The following GRM1 variants were observed in gnomAD, a reference collection of about 807,000 sequenced individuals.
GRM1 encodes the protein metabotropic glutamate receptor 1.
In GRM1, 33 loss-of-function variants were observed where a neutral mutation model predicts 90.9. That is an observed-to-expected ratio of 0.36 (90% CI 0.28 to 0.49). GRM1 has a LOEUF of 0.49. Ranked by LOEUF, GRM1 falls within the 20% of genes least tolerant of loss-of-function variation. GRM1 has a pLI of 0.99. For synonymous variants in GRM1, 700 were observed against 613.2 expected (o/e 1.14, Z -2.09); for missense variants, 1,190 against 1,534.3 (o/e 0.78, Z 3.75).
chr6:146,337,310 C>G (rs992336092), intron 3 of GRM1, among the ~76,000 whole-genome samples: 1 of 152,232 alleles, frequency 6.6e-6, no homozygotes, highest in East Asian at 1.9e-4. Flanking sequence ...TTTTACTTCT[C>G]TGTGCCTGTT....
chr6:146,352,071 C>A (rs915891768), intron 3 of GRM1, among the ~76,000 whole-genome samples, 179 bp from the exon 4 acceptor site: 1 of 152,162 alleles, frequency 6.6e-6, no homozygotes, highest in African/African-American at 2.4e-5. Flanking sequence ...AAATCATTTG[C>A]AGGTGGAATC....
intron 7 of GRM1, among the ~76,000 whole-genome samples, chr6:146,428,360 C>G (rs1364734277): frequency 6.6e-6 from 1 of 152,200 alleles, no homozygotes; most frequent in Non-Finnish European, 1.5e-5. Context: ...ATCTATCCTA[C>G]TCCTGAGAAA....
upstream of GRM1, among the ~76,000 whole-genome samples, chr6:146,028,098 C>T (rs1790557378): frequency 6.6e-6 from 1 of 152,110 alleles, no homozygotes; most frequent in Non-Finnish European, 1.5e-5. Flanking sequence ...GAGAGGGAGC[C>T]AACTTCAGCC....
At chr6:146,028,630 A>G (rs563638678), upstream of GRM1, among the ~76,000 whole-genome samples, 1 of 152,232 alleles carries the variant, frequency 6.6e-6, no homozygotes, top group Non-Finnish European at 1.5e-5. Context: ...CTCCATACGG[A>G]GACTTTACCA....
chr6:146,037,784 C>T (rs963226343), intron 1 of GRM1, among the ~76,000 whole-genome samples: 1 of 151,998 alleles, frequency 6.6e-6, no homozygotes, highest in Non-Finnish European at 1.5e-5. Flanking sequence ...AATCTGGTAC[C>T]CTGGCCTTGC....
chr6:146,263,789 A>G (rs985437869), intron 2 of GRM1, among the ~76,000 whole-genome samples: 2 of 152,108 alleles, frequency 1.3e-5, no homozygotes, highest in African/African-American at 2.4e-5. Context: ...AGAAAAATCA[A>G]CTATTTCATT....
intron 3 of GRM1, among the ~76,000 whole-genome samples, chr6:146,327,774 A>G (rs1383311365): frequency 6.6e-6 from 1 of 152,140 alleles, no homozygotes; most frequent in Non-Finnish European, 1.5e-5. Flanking sequence ...AGTCATCGCC[A>G]TGTCTATTTC....
chr6:146,148,841 T>C (rs1369312843), intron 1 of GRM1, among the ~76,000 whole-genome samples: 1 of 152,120 alleles, frequency 6.6e-6, no homozygotes, highest in Non-Finnish European at 1.5e-5. Context: ...TTGGAGGTAA[T>C]TTTTCTGAAC....
chr6:146,060,443 C>T (rs1775625199), intron 1 of GRM1, among the ~76,000 whole-genome samples: 1 of 152,126 alleles, frequency 6.6e-6, no homozygotes, highest in African/African-American at 2.4e-5. Flanking sequence ...TTGTTCCTTT[C>T]TTTGTATCCC....
chr6:146,398,992 A>G lies in GRM1; in HGVS notation c.1953A>G (p.Lys651=), dbSNP rs777804534. 3 of 1,613,990 alleles carry G rather than the reference A, an allele frequency of 1.9e-6. No homozygotes were observed. Among genetic ancestry groups the G allele is most frequent in the Non-Finnish European group, 2.5e-6 (3 of 1,179,950 alleles). The change falls in exon 7 of 8, where the codon AAA becomes AAG. Residue 651 remains lysine (K), a synonymous_variant. Transcript: ENST00000282753. ...TGTGCCCATTCACTCTCATTGCCAA[A>G]CCTACTACCACCTCCTGCTACCTCC... ...GYVCPFTLIA[K]PTTTSCYLQR...
chr6:146,170,503 C>T (rs1201280228), intron 2 of GRM1, among the ~76,000 whole-genome samples: 1 of 151,986 alleles, frequency 6.6e-6, no homozygotes, highest in South Asian at 2.1e-4. Flanking sequence ...GTTTTGTAAT[C>T]GTTATTGATT....
At chr6:146,405,468 A>C (rs1777312388) in intron 7 of GRM1, among the ~76,000 whole-genome samples, 1 of 152,224 alleles carries the variant, frequency 6.6e-6, no homozygotes. Flanking sequence ...TCAGGTTGTC[A>C]AAACAAAATA....
chr6:146,267,662 G>C (rs1781950220), intron 2 of GRM1, among the ~76,000 whole-genome samples: 1 of 114,998 alleles, frequency 8.7e-6, no homozygotes, highest in Non-Finnish European at 1.7e-5. Context: ...GCTGGGCTGG[G>C]CTGGGCTGGG....
At chr6:146,215,630 A>G (rs761552305) in intron 2 of GRM1, among the ~76,000 whole-genome samples, 5 of 146,918 alleles carry the variant, frequency 3.4e-5, no homozygotes, top group East Asian at 1.9e-4. Flanking sequence ...AATGTGTTTT[A>G]TCATTAAAAA....
intron 7 of GRM1, among the ~76,000 whole-genome samples, chr6:146,417,284 A>C (rs943903477): frequency 4.6e-5 from 7 of 152,198 alleles, no homozygotes; most frequent in African/African-American, 7.2e-5. Context: ...TGGTTTAAAA[A>C]AATTTATCTG....
intron 1 of GRM1, among the ~76,000 whole-genome samples, chr6:146,135,105 T>G (rs2128881505): frequency 6.6e-6 from 1 of 152,310 alleles, no homozygotes; most frequent in South Asian, 2.1e-4. Flanking sequence ...TACTATATGA[T>G]AATATTTGCA....
intron 3 of GRM1, among the ~76,000 whole-genome samples, chr6:146,326,009 A>G (rs1784387851): frequency 6.6e-6 from 1 of 152,220 alleles, no homozygotes; most frequent in Admixed American, 6.5e-5. Flanking sequence ...GTAAGCACAC[A>G]TTTAGTTATT....
chr6:146,227,208 G>T (rs540193645), intron 2 of GRM1, among the ~76,000 whole-genome samples: 11 of 151,758 alleles, frequency 7.2e-5, no homozygotes, highest in African/African-American at 1.2e-4. Context: ...AGTATATAAC[G>T]TGTGTGTGTA....
At chr6:146,413,422 A>G (rs1777640658) in intron 7 of GRM1, among the ~76,000 whole-genome samples, 1 of 151,866 alleles carries the variant, frequency 6.6e-6, no homozygotes, top group Admixed American at 6.6e-5. Context: ...ACATTTTTTT[A>G]ATTTTAGGAA....
Sources: gnomAD v4.1 joint callset for allele counts (sites outside exome capture counted in the v4.1 genomes callset) on GRCh38, gnomAD v4.1.1 for gene constraint, MANE v1.5 for transcripts, NCBI Gene and HGNC (gene_info 2026-07-23, HGNC 2026-07-21) for gene names.